Variants in ZMAT4 observed in about 807,000 individuals in gnomAD.
The protein encoded by ZMAT4 is zinc finger matrin-type 4, also known as zinc finger matrin-type protein 4.
A neutral mutation model predicts 28.7 loss-of-function variants in ZMAT4; 17 were observed. The ratio of observed to expected loss-of-function variants is 0.59; its 90% CI spans 0.41 to 0.89. ZMAT4 has a LOEUF of 0.89. ZMAT4 is among the 40% of genes least tolerant of loss of function. The pLI is 0.00. For missense variants in ZMAT4, 240 were observed against 283.8 expected (o/e 0.85, Z 1.11); for synonymous variants, 117 against 109.2 (o/e 1.07, Z -0.44).
At chr8:40,783,276 T>A (rs1187479977) in intron 2 of ZMAT4, among the ~76,000 whole-genome samples, 2 of 152,218 alleles carry the variant, frequency 1.3e-5, no homozygotes, top group Non-Finnish European at 2.9e-5. Flanking sequence ...CTTGAAATAT[T>A]ACACTACGTG....
chr8:40,808,704 G>A, intron 2 of ZMAT4: 1 of 274,884 alleles, frequency 3.6e-6, no homozygotes, highest in Non-Finnish European at 7.4e-6. Flanking sequence ...AGGCAAATCA[G>A]TGAAGAGGAA....
At chr8:40,758,983 A>G (rs1413118753) in intron 3 of ZMAT4, among the ~76,000 whole-genome samples, 4 of 152,190 alleles carry the variant, frequency 2.6e-5, no homozygotes, top group South Asian at 2.1e-4. Context: ...TTGGAATGGT[A>G]TCTGAGAAAA....
chr8:40,814,976 TAA>T (rs1815472375), intron 2 of ZMAT4, among the ~76,000 whole-genome samples: 2 of 152,194 alleles, frequency 1.3e-5, no homozygotes, highest in Non-Finnish European at 2.9e-5. Context: ...GATACATATT[TAA>T]AATAAAACAG....
intron 6 of ZMAT4, among the ~76,000 whole-genome samples, chr8:40,541,604 G>A (rs1006410528): frequency 1.3e-5 from 2 of 152,118 alleles, no homozygotes; most frequent in Non-Finnish European, 2.9e-5. Flanking sequence ...AAAACATGTC[G>A]CTCACCACGG....
chr8:40,737,045 G>A (rs1382971771), intron 3 of ZMAT4, among the ~76,000 whole-genome samples: 1 of 152,194 alleles, frequency 6.6e-6, no homozygotes, highest in Non-Finnish European at 1.5e-5. Context: ...AAGTAAGCAG[G>A]AGGTCTGAAG....
intron 1 of ZMAT4, among the ~76,000 whole-genome samples, chr8:40,830,681 CAA>C (rs996223200): frequency 3.9e-5 from 6 of 152,116 alleles, no homozygotes; most frequent in African/African-American, 1.4e-4. Flanking sequence ...GTGGAGGAAA[CAA>C]AAGCATTATG....
intron 3 of ZMAT4, among the ~76,000 whole-genome samples, chr8:40,745,360 A>T (rs973891507): frequency 6.6e-6 from 1 of 152,184 alleles, no homozygotes; most frequent in Non-Finnish European, 1.5e-5. Flanking sequence ...TTTCGAAGGT[A>T]TTTAAAAGCA....
intron 3 of ZMAT4, among the ~76,000 whole-genome samples, chr8:40,751,861 G>T (rs1196540114): frequency 1.3e-5 from 2 of 152,068 alleles, no homozygotes; most frequent in Admixed American, 1.3e-4. Flanking sequence ...AAAAAGAATA[G>T]GGCAGTATTA....
chr8:40,708,341 C>T (rs1431034365), intron 3 of ZMAT4, among the ~76,000 whole-genome samples: 6 of 152,192 alleles, frequency 3.9e-5, no homozygotes, highest in Admixed American at 2.0e-4. Context: ...GGGGCAGACA[C>T]AGCCTAGACC....
At chr8:40,795,540 T>C (rs954064893) in intron 2 of ZMAT4, among the ~76,000 whole-genome samples, 1 of 152,194 alleles carries the variant, frequency 6.6e-6, no homozygotes. Flanking sequence ...GTATGACACC[T>C]GCTTCCTCCC....
intron 1 of ZMAT4, among the ~76,000 whole-genome samples, chr8:40,838,452 C>T (rs1279002852): frequency 6.6e-6 from 1 of 152,208 alleles, no homozygotes; most frequent in East Asian, 1.9e-4. Context: ...AAGCAAACCT[C>T]CTGCCTCAGC....
At chr8:40,814,767 A>G (rs1002235348) in intron 2 of ZMAT4, among the ~76,000 whole-genome samples, 4 of 152,240 alleles carry the variant, frequency 2.6e-5, no homozygotes, top group African/African-American at 9.6e-5. Flanking sequence ...AGAAATAGGA[A>G]TAGGTGGGAG....
intron 3 of ZMAT4, among the ~76,000 whole-genome samples, chr8:40,733,004 C>A (rs1187260612): frequency 1.3e-5 from 2 of 151,874 alleles, no homozygotes; most frequent in African/African-American, 4.8e-5. Context: ...GGCCACCACA[C>A]CAAGCTAATT....
intron 1 of ZMAT4, among the ~76,000 whole-genome samples, chr8:40,881,449 A>C (rs868621293): frequency 7.9e-6 from 1 of 126,118 alleles, no homozygotes; most frequent in Non-Finnish European, 1.7e-5. Flanking sequence ...GAAAGAAAGA[A>C]AGAAAGAAAG....
At position 40,761,650 on chromosome 8, in the gene ZMAT4, T is replaced by A. The variant is rs10101823; in HGVS notation, c.192+5991A>T. The stretch of plus-strand genomic sequence containing the variant: ...ACCTGATGAACTCCATATTTCATTT[T>A]TTTCTGTGTCCTTTACAGCATGCGG... On this transcript the variant is annotated intron_variant, in intron 3 of 6. Coordinates refer to ENST00000297737, the MANE Select transcript of ZMAT4 (RefSeq NM_024645.3). Among the ~76,000 whole-genome samples the A allele has an allele frequency of 6.4e-3, 976 of 152,352 alleles. 3 individuals are homozygous for A. The highest frequency in any genetic ancestry group is 0.022 in the African/African-American group (926 of 41,578).
At chr8:40,843,350 G>A (rs574912969) in intron 1 of ZMAT4, among the ~76,000 whole-genome samples, 1 of 152,264 alleles carries the variant, frequency 6.6e-6, no homozygotes, top group Admixed American at 6.5e-5. Context: ...AACTGACCAA[G>A]AGCTGGCTGG....
chr8:40,836,014 A>C (rs1205787405), intron 1 of ZMAT4, among the ~76,000 whole-genome samples: 4 of 152,038 alleles, frequency 2.6e-5, no homozygotes, highest in Admixed American at 2.6e-4. Context: ...AGAGGAAGGG[A>C]CTCACTATCC....
chr8:40,850,120 G>T (rs1817048217), intron 1 of ZMAT4, among the ~76,000 whole-genome samples: 1 of 152,086 alleles, frequency 6.6e-6, no homozygotes. Flanking sequence ...CTCTCACCTG[G>T]AGGACACCTG....
intron 6 of ZMAT4, among the ~76,000 whole-genome samples, chr8:40,566,818 A>G (rs1429537614): frequency 1.3e-5 from 2 of 152,072 alleles, no homozygotes; most frequent in African/African-American, 4.8e-5. Flanking sequence ...CTAATTTAGT[A>G]AGCTATCTGG....
Sources: allele counts gnomAD v4.1 joint callset (sites outside exome capture counted in the v4.1 genomes callset), GRCh38; gene constraint gnomAD v4.1.1; transcripts MANE v1.5; gene names NCBI Gene and HGNC (gene_info 2026-07-23, HGNC 2026-07-21).